Variants in ADGRL3 observed in about 807,000 individuals in gnomAD.
The protein encoded by ADGRL3 is adhesion G protein-coupled receptor L3, also known as calcium-independent alpha-latrotoxin receptor 3.
ADGRL3 carries 62 observed loss-of-function variants against 153.5 expected under a neutral mutation model. That is an observed-to-expected ratio of 0.40 (90% CI 0.33 to 0.50). The LOEUF (loss-of-function observed/expected upper bound fraction) is 0.50. Ranked by LOEUF, ADGRL3 falls within the 20% of genes least tolerant of loss-of-function variation. The probability of loss-of-function intolerance (pLI) is 0.47; values close to 1 mark genes in which losing one functional copy is unlikely to be tolerated. For synonymous variants in ADGRL3, 710 were observed against 672.5 expected, an observed-to-expected ratio of 1.06 and a Z score of -0.86; for missense variants, 1,641 against 1,859.4, an observed-to-expected ratio of 0.88 and a Z score of 2.16.
chr4:61,262,127 G>GATTATAAT (rs1231076588), intron 1 of ADGRL3, among the ~76,000 whole-genome samples: 2 of 152,162 alleles, frequency 1.3e-5, no homozygotes, highest in Non-Finnish European at 2.9e-5. Flanking sequence ...TCTTTGCTAT[G>GATTATAAT]CTCACGTTAT....
intron 1 of ADGRL3, among the ~76,000 whole-genome samples, chr4:61,366,398 T>C (rs924754790): frequency 3.3e-5 from 5 of 152,242 alleles, no homozygotes; most frequent in Non-Finnish European, 7.3e-5. Flanking sequence ...ATAGTGCATC[T>C]GTATCACTTT....
At chr4:61,499,855 C>T (rs1560737832) in intron 3 of ADGRL3, among the ~76,000 whole-genome samples, 1 of 151,946 alleles carries the variant, frequency 6.6e-6, no homozygotes. Context: ...ATTCCTTTTT[C>T]AGAACTAAAA....
At chr4:61,596,254 G>T (rs2098988648) in intron 5 of ADGRL3, among the ~76,000 whole-genome samples, 1 of 152,216 alleles carries the variant, frequency 6.6e-6, no homozygotes, top group African/African-American at 2.4e-5. Context: ...CTGCCCCTTA[G>T]TTACTTTTTA....
At chr4:62,060,347 T>C (rs527568185) in intron 25 of ADGRL3, among the ~76,000 whole-genome samples, 14 of 152,106 alleles carry the variant, frequency 9.2e-5, no homozygotes, top group African/African-American at 3.1e-4. Context: ...AATTAGATAA[T>C]GTATAGCAAT....
chr4:61,989,045 G>A (rs2099095264), intron 19 of ADGRL3, among the ~76,000 whole-genome samples: 1 of 151,968 alleles, frequency 6.6e-6, no homozygotes, highest in South Asian at 2.1e-4. Flanking sequence ...TTTCTCCTCT[G>A]TTAATTAAAA....
chr4:61,344,396 A>G (rs2095860711), intron 1 of ADGRL3, among the ~76,000 whole-genome samples: 1 of 152,208 alleles, frequency 6.6e-6, no homozygotes. Flanking sequence ...TTCAAAGGAA[A>G]TGCAAACTTG....
chr4:62,012,237 C>T (rs938597487), intron 21 of ADGRL3, among the ~76,000 whole-genome samples: 7 of 152,110 alleles, frequency 4.6e-5, no homozygotes, highest in Non-Finnish European at 8.8e-5. Flanking sequence ...AAAACGTAGT[C>T]ATAGATTCTG....
At chr4:61,379,193 G>T (rs2096638872) in intron 1 of ADGRL3, among the ~76,000 whole-genome samples, 1 of 151,838 alleles carries the variant, frequency 6.6e-6, no homozygotes, top group Non-Finnish European at 1.5e-5. Flanking sequence ...GACCTGAAGG[G>T]GGTAGTTGGA....
intron 17 of ADGRL3, among the ~76,000 whole-genome samples, chr4:61,955,443 A>G (rs2098962510): frequency 6.6e-6 from 1 of 152,188 alleles, no homozygotes; most frequent in Middle Eastern, 3.2e-3. Flanking sequence ...ATCAAAGATC[A>G]AATATACTTT....
chr4:61,898,271 T>A (rs1439835919), intron 11 of ADGRL3, among the ~76,000 whole-genome samples: 1 of 152,134 alleles, frequency 6.6e-6, no homozygotes, highest in Non-Finnish European at 1.5e-5. Context: ...TCCACTCCCT[T>A]CTCTCACCCT....
At chr4:61,766,269 A>C (rs1034507859) in intron 8 of ADGRL3, among the ~76,000 whole-genome samples, 1 of 151,952 alleles carries the variant, frequency 6.6e-6, no homozygotes, top group Admixed American at 6.6e-5. Context: ...AAGTATATGC[A>C]TCAGGTATGA....
chr4:61,798,293 A>T (rs1292700883), intron 8 of ADGRL3, among the ~76,000 whole-genome samples: 1 of 152,228 alleles, frequency 6.6e-6, no homozygotes, highest in Non-Finnish European at 1.5e-5. Flanking sequence ...GTCCCCTAGT[A>T]TGTGACTATT....
chr4:61,772,943 T>TA (rs953954018), intron 8 of ADGRL3, among the ~76,000 whole-genome samples: 1 of 152,190 alleles, frequency 6.6e-6, no homozygotes, highest in African/African-American at 2.4e-5. Context: ...ATACCCTGTT[T>TA]AAAAAATACC....
intron 2 of ADGRL3, among the ~76,000 whole-genome samples, chr4:61,482,916 A>G (rs1301978022): frequency 6.6e-6 from 1 of 152,150 alleles, no homozygotes; most frequent in Non-Finnish European, 1.5e-5. Context: ...ATTATATGAT[A>G]TATCTTGCAA....
chr4:61,326,186 G>T (rs964892619), intron 1 of ADGRL3, among the ~76,000 whole-genome samples: 14 of 152,032 alleles, frequency 9.2e-5, no homozygotes, highest in African/African-American at 3.1e-4. Flanking sequence ...ATGTATACAT[G>T]CTTTCAATAA....
intron 2 of ADGRL3, among the ~76,000 whole-genome samples, chr4:61,457,386 C>T (rs1159239132): frequency 6.6e-6 from 1 of 151,742 alleles, no homozygotes; most frequent in Non-Finnish European, 1.5e-5. Context: ...CCTTTTCATA[C>T]ATTAAGAAAA....
intron 8 of ADGRL3, among the ~76,000 whole-genome samples, chr4:61,758,621 G>C (rs1257959971): frequency 4.6e-5 from 7 of 152,150 alleles, no homozygotes; most frequent in African/African-American, 1.2e-4. Context: ...GATGGGTCTT[G>C]ACTTTTTATC....
chr4:61,332,071 G>A (rs1397036247), intron 1 of ADGRL3, among the ~76,000 whole-genome samples: 1 of 152,026 alleles, frequency 6.6e-6, no homozygotes, highest in Admixed American at 6.6e-5. Flanking sequence ...AATGTAGGAG[G>A]TGATCACATG....
At chr4:61,895,598 C>T (rs1185240289) in intron 10 of ADGRL3, 133 bp from the exon 11 acceptor site, 2 of 527,378 alleles carry the variant, frequency 3.8e-6, no homozygotes, top group East Asian at 3.1e-5. Context: ...CTTACTGGCA[C>T]TGTATCTGGT....
Sources: gnomAD v4.1 joint callset for allele counts (sites outside exome capture counted in the v4.1 genomes callset) on GRCh38, gnomAD v4.1.1 for gene constraint, MANE v1.5 for transcripts, NCBI Gene and HGNC (gene_info 2026-07-23, HGNC 2026-07-21) for gene names.